TACC2: variants seen among roughly 807,000 people sequenced by gnomAD.
The protein encoded by TACC2 is transforming acidic coiled-coil-containing protein 2.
TACC2 carries 137 observed loss-of-function variants against 227.3 expected under a neutral mutation model. The observed-to-expected ratio is 0.60, with a 90% confidence interval of 0.52 to 0.69. The LOEUF is 0.69. Ranked by LOEUF, TACC2 falls within the 30% of genes least tolerant of loss-of-function variation. The pLI, the probability that TACC2 is intolerant of heterozygous loss-of-function variation, is 0.00. For synonymous variants in TACC2, 1,523 were observed against 1,487.5 expected (o/e 1.02, Z -0.55); for missense variants, 3,470 against 3,694.4 (o/e 0.94, Z 1.57).
chr10:122,044,759 C>T (rs1055215871), intron 2 of TACC2, among the ~76,000 whole-genome samples: 5 of 150,836 alleles, frequency 3.3e-5, no homozygotes, highest in African/African-American at 1.2e-4. Flanking sequence ...ATTGCTGTAA[C>T]TGTTTAAAGA....
chr10:122,207,474 A>G (rs911781), intron 8 of TACC2, among the ~76,000 whole-genome samples: 96,637 of 151,892 alleles, frequency 0.64, 31,557 homozygotes, highest in East Asian at 0.84. Flanking sequence ...GGCAATGTCT[A>G]GACACAGTGT....
Position 121,992,221 on chromosome 10 carries a change from A to C in TACC2, c.-46+2733A>C, listed in dbSNP as rs139832002. 3.8e-3 allele frequency among the ~76,000 whole-genome samples: 575 copies of C among 152,342 alleles called. 6 individuals carry two copies. The highest frequency in any genetic ancestry group is 0.013 in the African/African-American group (557 of 41,584). Reference sequence around the variant, plus strand: ...AGTGAGAAGTGGTAGAAAGCTGTGAAGAAGGCCCAGAACAGCCCACCCTGA... The same window carrying C: ...AGTGAGAAGTGGTAGAAAGCTGTGACGAAGGCCCAGAACAGCCCACCCTGA... On this transcript the variant is annotated intron_variant, in intron 1 of 22. Coordinates refer to ENST00000369005, the MANE Select transcript of TACC2 (RefSeq NM_206862.4).
In TACC2 at chr10:122,050,528, C is replaced by T. The variant is rs200691895; in HGVS notation, c.124C>T (p.Pro42Ser). 9 of 1,613,994 alleles carry T rather than the reference C, an allele frequency of 5.6e-6. No individual in the cohort carries two copies. The East Asian group carries it at 1.6e-4, about 28-fold the overall frequency. The change falls in exon 3 of 23, where the codon CCT (proline) becomes TCT (serine). Residue 42 changes from proline (P) to serine (S), a missense_variant. Transcript: ENST00000369005. This position sits in a 1 kb window ranked among gnomAD's most constrained non-coding sequence, Gnocchi z 4.6. ...KRKQQDTPGS[P>S]DHRDASSIGS... is the part of the protein sequence containing the mutation. ...GAAGCAGCAGGACACGCCCGGAAGCCCTGACCACAGAGACGCGTCCAGGTA... is the reference window on the plus strand; with the variant it reads ...GAAGCAGCAGGACACGCCCGGAAGCTCTGACCACAGAGACGCGTCCAGGTA...
chr10:122,027,006 G>T (rs562759764), intron 2 of TACC2, among the ~76,000 whole-genome samples: 5 of 152,164 alleles, frequency 3.3e-5, no homozygotes, highest in African/African-American at 4.8e-5. Context: ...AATCATATAG[G>T]AGTATGTTCA....
At chr10:122,153,491 C>T (rs2092253443) in intron 7 of TACC2, among the ~76,000 whole-genome samples, 10 of 152,214 alleles carry the variant, frequency 6.6e-5, no homozygotes, top group Admixed American at 6.5e-4. Context: ...GGAAGCCTTC[C>T]AGCTTCTAAC....
At chr10:122,143,479 G>GAATGGT in intron 6 of TACC2, 93 bp from the exon 7 acceptor site, 1 of 1,419,416 alleles carries the variant, frequency 7.0e-7, no homozygotes, top group Non-Finnish European at 9.6e-7. Flanking sequence ...TCCATGTGTG[G>GAATGGT]GCGGGTGGGT....
At chr10:122,049,740 T>C (rs1397860222) in intron 2 of TACC2, among the ~76,000 whole-genome samples, 4 of 152,166 alleles carry the variant, frequency 2.6e-5, no homozygotes, top group Non-Finnish European at 4.4e-5. Flanking sequence ...TTTTTTTTTT[T>C]TAATTTTAAA....
intron 7 of TACC2, among the ~76,000 whole-genome samples, chr10:122,181,487 A>G (rs2093969000): frequency 6.6e-6 from 1 of 152,212 alleles, no homozygotes; most frequent in Non-Finnish European, 1.5e-5. Flanking sequence ...CTTTACAAAT[A>G]TAAACTCAGC....
intron 1 of TACC2, among the ~76,000 whole-genome samples, chr10:122,000,785 G>T (rs1337114759): frequency 6.6e-6 from 1 of 151,660 alleles, no homozygotes; most frequent in East Asian, 1.9e-4. Flanking sequence ...CAATTTTTTT[G>T]TTTTGTTTTG....
intron 7 of TACC2, chr10:122,192,470 A>T: frequency 3.0e-6 from 1 of 336,942 alleles, no homozygotes; most frequent in South Asian, 2.3e-5. Flanking sequence ...TGCAGAAGCC[A>T]GGGGATGGAC....
At chr10:122,188,867 C>T (rs753971370) in intron 7 of TACC2, among the ~76,000 whole-genome samples, 3 of 152,156 alleles carry the variant, frequency 2.0e-5, no homozygotes, top group Non-Finnish European at 2.9e-5. Flanking sequence ...TTTGATTTTT[C>T]GCGAGGCAGC....
At chr10:122,136,056 A>C (rs2089565834) in intron 6 of TACC2, among the ~76,000 whole-genome samples, 1 of 152,176 alleles carries the variant, frequency 6.6e-6, no homozygotes, top group East Asian at 1.9e-4. Context: ...TTACCTATTA[A>C]ATAAGGCATC....
At chr10:121,995,480 G>A (rs574252971) in intron 1 of TACC2, among the ~76,000 whole-genome samples, 29 of 152,294 alleles carry the variant, frequency 1.9e-4, no homozygotes, top group Middle Eastern at 3.4e-3. Context: ...TAATATCTGC[G>A]TATGTGTGTA....
Position 122,109,133 on chromosome 10 carries a change from C to T in TACC2, c.5573+20542C>T, listed in dbSNP as rs2083292871. Among the ~76,000 whole-genome samples, 7 of 152,070 alleles carry T rather than the reference C, an allele frequency of 4.6e-5. No individual in the cohort carries two copies. The South Asian group carries it at 1.0e-3, about 23-fold the overall frequency. On this transcript the variant is annotated intron_variant, in intron 5 of 22. Transcript: ENST00000369005. Reference sequence around the variant, plus strand: ...GCTGTAAACATGCATGTACAAGTATCTTTTTTCATGTAATGACTTCTTTTC... The same window carrying T: ...GCTGTAAACATGCATGTACAAGTATTTTTTTTCATGTAATGACTTCTTTTC...
chr10:122,040,986 G>C (rs1018695800), intron 2 of TACC2, among the ~76,000 whole-genome samples: 1 of 152,154 alleles, frequency 6.6e-6, no homozygotes, highest in Non-Finnish European at 1.5e-5. Flanking sequence ...CCTGCTCTGC[G>C]TACAAGATGT....
chr10:122,109,003 G>T (rs1032350766), intron 5 of TACC2, among the ~76,000 whole-genome samples: 1 of 152,262 alleles, frequency 6.6e-6, no homozygotes, highest in African/African-American at 2.4e-5. Flanking sequence ...AGAGTGCTGG[G>T]ATTACAGGCA....
intron 3 of TACC2, among the ~76,000 whole-genome samples, chr10:122,057,058 G>T (rs1378263459): frequency 6.6e-6 from 1 of 152,126 alleles, no homozygotes; most frequent in Non-Finnish European, 1.5e-5. Context: ...CTGGCATGGT[G>T]GCGCACACCT....
chr10:122,032,528 A>C (rs1959111323), intron 2 of TACC2, among the ~76,000 whole-genome samples: 1 of 152,192 alleles, frequency 6.6e-6, no homozygotes, highest in Non-Finnish European at 1.5e-5. Context: ...GCAAAGGGTA[A>C]GGGACAGGCC....
chr10:122,043,459 C>CTCTT (rs57557713), intron 2 of TACC2, among the ~76,000 whole-genome samples: 94,217 of 148,256 alleles, frequency 0.64, 30,877 homozygotes, highest in Non-Finnish European at 0.72. Context: ...TTCTTTCTTT[C>CTCTT]TCTTTCTTTC....
Sources: allele counts gnomAD v4.1 joint callset (sites outside exome capture counted in the v4.1 genomes callset), GRCh38; gene constraint gnomAD v4.1.1; non-coding constraint Gnocchi (gnomAD v3.1); transcripts MANE v1.5; gene names NCBI Gene and HGNC (gene_info 2026-07-23, HGNC 2026-07-21).